Variants in SGMS1 observed in about 807,000 individuals in gnomAD.
SGMS1 encodes sphingomyelin synthase 1, also known as phosphatidylcholine:ceramide cholinephosphotransferase 1.
A neutral mutation model predicts 46.2 loss-of-function variants in SGMS1; 13 were observed. That is an observed-to-expected ratio of 0.28 (90% confidence interval 0.18 to 0.45). The LOEUF is 0.45. SGMS1 is among the 20% of genes least tolerant of loss of function. SGMS1 has a pLI of 1.00. For synonymous variants in SGMS1, 203 were observed against 187.8 expected, an observed-to-expected ratio of 1.08 and a Z score of -0.66; for missense variants, 324 against 519.9, an observed-to-expected ratio of 0.62 and a Z score of 3.66.
chr10:50,308,066 A>G lies in SGMS1; in HGVS notation c.978T>C (p.His326=), dbSNP rs776319109. 13 of 1,613,928 alleles carry G rather than the reference A, an allele frequency of 8.1e-6. No individual in the cohort carries two copies. Among genetic ancestry groups the G allele is most frequent in the Non-Finnish European group, 1.1e-5 (13 of 1,179,898 alleles). ...VVGIFCILLA[H]DHYTVDVVVA... ...CCACCACGTCCACAGTGTAGTGGTC[A>G]TGCGCTAAGAGAATACAGAAGATTC... Residue 326 remains histidine, a synonymous_variant, in exon 10 of 11, where the codon CAT becomes CAC. Transcript: ENST00000361781.
chr10:50,612,511 G>A (rs1260741912), intron 1 of SGMS1, among the ~76,000 whole-genome samples: 1 of 152,086 alleles, frequency 6.6e-6, no homozygotes, highest in Non-Finnish European at 1.5e-5. Flanking sequence ...AGAAAACAAG[G>A]AACTGGAACC....
At chr10:50,617,824 C>T (rs1442387828) in intron 1 of SGMS1, among the ~76,000 whole-genome samples, 2 of 151,828 alleles carry the variant, frequency 1.3e-5, no homozygotes. Context: ...CCACCTGCTT[C>T]AGCCTCCCAA....
At chr10:50,553,373 A>G (rs1358115445) in intron 2 of SGMS1, among the ~76,000 whole-genome samples, 1 of 152,204 alleles carries the variant, frequency 6.6e-6, no homozygotes, top group Non-Finnish European at 1.5e-5. Flanking sequence ...GATGATATTC[A>G]TAGAGTTGCT....
chr10:50,561,514 G>A (rs541405180), intron 2 of SGMS1, among the ~76,000 whole-genome samples: 1 of 152,260 alleles, frequency 6.6e-6, no homozygotes, highest in African/African-American at 2.4e-5. Context: ...TGCTTAGTTC[G>A]TCACATTGAT....
intron 4 of SGMS1, among the ~76,000 whole-genome samples, chr10:50,466,315 A>C (rs1388785581): frequency 6.6e-6 from 1 of 152,090 alleles, no homozygotes; most frequent in Non-Finnish European, 1.5e-5. Flanking sequence ...AAATAAATGA[A>C]AGGAAAGAAG....
intron 6 of SGMS1, among the ~76,000 whole-genome samples, chr10:50,376,508 G>A (rs1040186196): frequency 2.6e-5 from 4 of 152,060 alleles, no homozygotes; most frequent in Non-Finnish European, 5.9e-5. Context: ...ATGTATACAC[G>A]TGCCATGTTG....
intron 1 of SGMS1, among the ~76,000 whole-genome samples, chr10:50,590,926 G>A (rs1349877605): frequency 6.6e-6 from 1 of 152,070 alleles, no homozygotes; most frequent in East Asian, 1.9e-4. Context: ...AATGACTTGA[G>A]ATTTACTCTG....
chr10:50,323,404 T>C (rs1388171704), intron 8 of SGMS1, among the ~76,000 whole-genome samples: 2 of 152,206 alleles, frequency 1.3e-5, no homozygotes, highest in Non-Finnish European at 2.9e-5. Flanking sequence ...TTTAGTGATA[T>C]TGAGTAACTG....
chr10:50,562,574 C>G (rs542817553), intron 2 of SGMS1, among the ~76,000 whole-genome samples: 1 of 152,178 alleles, frequency 6.6e-6, no homozygotes, highest in Non-Finnish European at 1.5e-5. Context: ...GACGGAGTCT[C>G]GCTCTGTCGC....
intron 2 of SGMS1, among the ~76,000 whole-genome samples, chr10:50,524,069 C>T (rs1837878353): frequency 6.6e-6 from 1 of 152,228 alleles, no homozygotes; most frequent in Non-Finnish European, 1.5e-5. Flanking sequence ...TTATACCTTT[C>T]TTTGGTTCTA....
At chr10:50,323,299 C>T (rs915562828) in intron 8 of SGMS1, among the ~76,000 whole-genome samples, 1 of 152,132 alleles carries the variant, frequency 6.6e-6, no homozygotes, top group Non-Finnish European at 1.5e-5. Context: ...ACACTAATTA[C>T]AGCATTTTAA....
intron 5 of SGMS1, among the ~76,000 whole-genome samples, chr10:50,442,988 A>G (rs539094274): frequency 6.6e-6 from 1 of 152,312 alleles, no homozygotes; most frequent in Non-Finnish European, 1.5e-5. Context: ...TACTATTCAA[A>G]CTGCACTTAA....
intron 1 of SGMS1, among the ~76,000 whole-genome samples, chr10:50,594,078 C>T (rs888047238): frequency 1.3e-5 from 2 of 152,214 alleles, no homozygotes; most frequent in South Asian, 2.1e-4. Flanking sequence ...TTTCCAGTTT[C>T]TCTCCAAATA....
At chr10:50,609,117 T>G (rs1838723457) in intron 1 of SGMS1, among the ~76,000 whole-genome samples, 1 of 152,132 alleles carries the variant, frequency 6.6e-6, no homozygotes, top group African/African-American at 2.4e-5. Context: ...CCCTGGTATC[T>G]GGGACTACAG....
Position 50,344,175 on chromosome 10 carries a change from C to G in SGMS1, c.-61G>C. On this transcript the variant is annotated 5_prime_UTR_variant, in exon 7 of 11. Coordinates refer to ENST00000361781, the MANE Select transcript of SGMS1 (RefSeq NM_147156.4). Reference sequence around the variant, plus strand: ...CTTGGCAGGTCAGCAGTCACTGTTCCGACAGGGCAGGACACTGTCCTGCCT... The same window carrying G: ...CTTGGCAGGTCAGCAGTCACTGTTCGGACAGGGCAGGACACTGTCCTGCCT... The G allele has an allele frequency of 6.5e-7, 1 of 1,530,238 alleles. No individual in the cohort carries two copies. Among genetic ancestry groups the G allele is most frequent in the Non-Finnish European group, 8.7e-7 (1 of 1,147,026 alleles). The allele number at this position is 1,530,238 out of a possible 1,614,324, so 94.8% of individuals were successfully genotyped here. A position where few individuals can be genotyped will look rare whatever the true frequency, so the allele number is the denominator to read the frequency against.
chr10:50,353,789 C>T (rs2133388362), intron 6 of SGMS1, among the ~76,000 whole-genome samples: 1 of 152,232 alleles, frequency 6.6e-6, no homozygotes, highest in South Asian at 2.1e-4. Flanking sequence ...TTCTTATACA[C>T]CAATAACAGA....
intron 7 of SGMS1, among the ~76,000 whole-genome samples, chr10:50,328,916 G>A (rs759788166): frequency 6.6e-6 from 1 of 152,162 alleles, no homozygotes; most frequent in East Asian, 1.9e-4. Flanking sequence ...ATTCTACATT[G>A]TAAGACATAA....
At chr10:50,531,914 C>T (rs531310099) in intron 2 of SGMS1, among the ~76,000 whole-genome samples, 1 of 152,262 alleles carries the variant, frequency 6.6e-6, no homozygotes, top group African/African-American at 2.4e-5. Flanking sequence ...TGGTCAGTAA[C>T]CAGCATGCAA....
intron 6 of SGMS1, among the ~76,000 whole-genome samples, chr10:50,389,419 G>A (rs1367776468): frequency 4.6e-5 from 7 of 152,236 alleles, no homozygotes; most frequent in African/African-American, 1.7e-4. Context: ...TTGTATCTGG[G>A]GGGAGGTCAA....
Sources: gnomAD v4.1 joint callset for allele counts (sites outside exome capture counted in the v4.1 genomes callset) on GRCh38, gnomAD v4.1.1 for gene constraint, MANE v1.5 for transcripts, NCBI Gene and HGNC (gene_info 2026-07-23, HGNC 2026-07-21) for gene names.